The following OBI1 variants were observed in gnomAD, a reference collection of about 807,000 sequenced individuals.
OBI1 encodes the protein ring finger protein 219.
Under a neutral mutation model 62.4 loss-of-function variants are expected in OBI1, and 59 were observed. The observed-to-expected ratio is 0.95, with a 90% CI of 0.77 to 1.17. The LOEUF is 1.17. Among genes scored for constraint, OBI1 ranks in the 50% most tolerant of loss-of-function variants. OBI1 has a pLI of 0.00. For synonymous variants in OBI1, 302 were observed against 292.8 expected (o/e 1.03, Z -0.32); for missense variants, 875 against 830.9 (o/e 1.05, Z -0.65).
intron 1 of OBI1, among the ~76,000 whole-genome samples, chr13:78,655,856 G>A (rs1876686230): frequency 6.6e-6 from 1 of 152,210 alleles, no homozygotes; most frequent in Non-Finnish European, 1.5e-5. Flanking sequence ...AAGCAGAAGC[G>A]AACCTGAGGA....
At chr13:78,642,764 G>A (rs939095062) in intron 2 of OBI1, among the ~76,000 whole-genome samples, 3 of 152,110 alleles carry the variant, frequency 2.0e-5, no homozygotes, top group South Asian at 2.1e-4. Flanking sequence ...GCTGGCGCCT[G>A]TAGTCCCAGC....
At position 78,624,800 on chromosome 13, in the gene OBI1, C is replaced by G. The variant is rs9635018; in HGVS notation, c.639-7678G>C. On this transcript the variant is annotated intron_variant, in intron 5 of 5. Coordinates refer to ENST00000282003, the MANE Select transcript of OBI1 (RefSeq NM_024546.4). ...ATACAGAACTAAACTGTGTTCCATG[C>G]TGGCCAATTTCACCCTACTTGCTTC... Among the ~76,000 whole-genome samples, 4 of 152,194 alleles carry G rather than the reference C, an allele frequency of 2.6e-5. No individual in the cohort carries two copies. The East Asian group carries it at 5.8e-4, about 22-fold the overall frequency.
rs58137253 is a variant in OBI1 at position 78,643,248 on chromosome 13, A to C, written c.209-1035T>G. On this transcript the variant is annotated intron_variant, in intron 2 of 5. Transcript: ENST00000282003. Reference sequence around the variant, plus strand: ...GGGATGAGAAGAAAAGCTGGGGGAAAATATTCAAATCATCAAAGCTCATAT... The same window carrying C: ...GGGATGAGAAGAAAAGCTGGGGGAACATATTCAAATCATCAAAGCTCATAT... Among the ~76,000 whole-genome samples the C allele has an allele frequency of 5.8e-3, 879 of 152,308 alleles. 5 individuals carry two copies. The highest frequency in any genetic ancestry group is 0.021 in the African/African-American group (853 of 41,552).
chr13:78,654,819 A>G (rs1308096261), intron 1 of OBI1, among the ~76,000 whole-genome samples: 4 of 152,152 alleles, frequency 2.6e-5, no homozygotes, highest in Non-Finnish European at 5.9e-5. Context: ...GGAGCCACAC[A>G]AGGCTTGAGT....
At chr13:78,628,887 C>T (rs1233646232) in intron 5 of OBI1, among the ~76,000 whole-genome samples, 1 of 151,682 alleles carries the variant, frequency 6.6e-6, no homozygotes, top group African/African-American at 2.4e-5. Flanking sequence ...AAACATGAAC[C>T]TGCAGTTCAG....
chr13:78,658,417 A>G (rs1244087319), intron 1 of OBI1, among the ~76,000 whole-genome samples: 1 of 152,154 alleles, frequency 6.6e-6, no homozygotes, highest in Admixed American at 6.5e-5. Context: ...TCACAAAGAG[A>G]GAGTATTCTA....
chr13:78,633,401 G>T (rs762016625), intron 5 of OBI1, among the ~76,000 whole-genome samples: 1 of 152,148 alleles, frequency 6.6e-6, no homozygotes. Context: ...TACCACATCT[G>T]GTTTTACCAA....
chr13:78,615,862 A>G lies in OBI1; in HGVS notation c.1899T>C (p.Cys633=), dbSNP rs758742696. ...GGGGTTTGATTTCATTAGTTACTGG[A>G]CAAGAACTGGAATGGAGTGAAAAAT... ...NEDFSLHSSS[C]PVTNEIKPPS... The change falls in exon 6 of 6, where the codon TGT becomes TGC. Residue 633 remains cysteine, a synonymous_variant. Transcript: ENST00000282003. 2.5e-6 allele frequency: 4 copies of G among 1,614,120 alleles called. No homozygotes were observed. Among genetic ancestry groups the G allele is most frequent in the Middle Eastern group, 1.6e-4 (1 of 6,062 alleles).
chr13:78,632,431 A>G (rs1047587247), intron 5 of OBI1, among the ~76,000 whole-genome samples: 7 of 152,302 alleles, frequency 4.6e-5, no homozygotes, highest in South Asian at 2.1e-4. Context: ...TCTAGTGTCT[A>G]AACTTTAAAG....
chr13:78,617,260 C>T (rs577471450), intron 5 of OBI1, 138 bp from the exon 6 acceptor site: 23 of 556,952 alleles, frequency 4.1e-5, no homozygotes, highest in African/African-American at 3.4e-4. Context: ...AGGGCAAATG[C>T]CAGATGTATA....
At chr13:78,655,993 T>G (rs1391169995) in intron 1 of OBI1, among the ~76,000 whole-genome samples, 1 of 152,194 alleles carries the variant, frequency 6.6e-6, no homozygotes, top group Non-Finnish European at 1.5e-5. Context: ...GGATGTACTG[T>G]GGCAATTTCC....
intron 3 of OBI1, among the ~76,000 whole-genome samples, chr13:78,639,478 C>A (rs998796769): frequency 9.9e-5 from 15 of 151,832 alleles, no homozygotes; most frequent in African/African-American, 3.6e-4. Flanking sequence ...TTGACCCAGC[C>A]ATCCCATTAC....
At chr13:78,625,375 TTC>T (rs774311542) in intron 5 of OBI1, among the ~76,000 whole-genome samples, 6 of 152,180 alleles carry the variant, frequency 3.9e-5, no homozygotes, top group Non-Finnish European at 8.8e-5. Context: ...TGATCTCTTA[TTC>T]TCTCTCAGCA....
chr13:78,623,761 G>A (rs1404623124), intron 5 of OBI1, among the ~76,000 whole-genome samples: 1 of 152,160 alleles, frequency 6.6e-6, no homozygotes, highest in Non-Finnish European at 1.5e-5. Context: ...TTGGCTAATA[G>A]AAACACAGAG....
chr13:78,620,817 G>A (rs1244180958), intron 5 of OBI1: 1 of 345,986 alleles, frequency 2.9e-6, no homozygotes, highest in Non-Finnish European at 5.6e-6. Context: ...AACAGGACGT[G>A]TTTGAAGAAA....
intron 1 of OBI1, among the ~76,000 whole-genome samples, chr13:78,654,360 G>A (rs1009446223): frequency 1.3e-5 from 2 of 152,116 alleles, no homozygotes; most frequent in African/African-American, 2.4e-5. Context: ...TGTAGAACTT[G>A]CAGTCCATAT....
At chr13:78,620,040 T>C (rs1248280845) in intron 5 of OBI1, among the ~76,000 whole-genome samples, 1 of 152,200 alleles carries the variant, frequency 6.6e-6, no homozygotes, top group African/African-American at 2.4e-5. Context: ...ACAGCCTTTT[T>C]TGCTACAGGC....
intron 5 of OBI1, among the ~76,000 whole-genome samples, chr13:78,623,196 T>C (rs1166858885): frequency 6.6e-6 from 1 of 151,440 alleles, no homozygotes; most frequent in Non-Finnish European, 1.5e-5. Context: ...ATAAAAGTAC[T>C]ATCTATGGTC....
At chr13:78,617,221 A>G (rs1875340591) in intron 5 of OBI1, 99 bp from the exon 6 acceptor site, 2 of 925,002 alleles carry the variant, frequency 2.2e-6, no homozygotes, top group African/African-American at 1.7e-5. Context: ...ATTTCACCTA[A>G]CAGTGACATT....
Sources: allele counts gnomAD v4.1 joint callset (sites outside exome capture counted in the v4.1 genomes callset), GRCh38; gene constraint gnomAD v4.1.1; transcripts MANE v1.5; gene names NCBI Gene and HGNC (gene_info 2026-07-23, HGNC 2026-07-21).